Variants in PLCB1 observed in about 807,000 individuals in gnomAD.
PLCB1 encodes the protein 1-phosphatidylinositol 4,5-bisphosphate phosphodiesterase beta-1.
In PLCB1, 46 loss-of-function variants were observed where a neutral mutation model predicts 161.8. That is an observed-to-expected ratio of 0.28 (90% CI 0.22 to 0.36). PLCB1 has a LOEUF of 0.36. Among genes scored for constraint, PLCB1 ranks in the 10% least tolerant of loss-of-function variants. The probability of loss-of-function intolerance (pLI) is 1.00; values close to 1 mark genes in which losing one functional copy is unlikely to be tolerated. For missense variants in PLCB1, 1,016 were observed against 1,472.5 expected (o/e 0.69, Z 5.07); for synonymous variants, 517 against 503.7 (o/e 1.03, Z -0.35).
intron 31 of PLCB1, among the ~76,000 whole-genome samples, chr20:8,876,549 A>G (rs1440877137): frequency 6.6e-6 from 1 of 152,168 alleles, no homozygotes; most frequent in Non-Finnish European, 1.5e-5. Context: ...CCCTCACTCA[A>G]AGTTATAGCC....
At chr20:8,206,783 G>GA (rs941340372) in intron 2 of PLCB1, among the ~76,000 whole-genome samples, 14 of 143,592 alleles carry the variant, frequency 9.7e-5, no homozygotes, top group East Asian at 2.0e-4. Context: ...AAAGTCAGCA[G>GA]AAAAAAAAAA....
chr20:8,280,655 T>C (rs146829444), intron 2 of PLCB1, among the ~76,000 whole-genome samples: 46 of 152,342 alleles, frequency 3.0e-4, no homozygotes, highest in African/African-American at 9.9e-4. Flanking sequence ...TGAATTTGAT[T>C]TGTCTTCAGA....
chr20:8,367,791 G>A (rs188677345), intron 2 of PLCB1, among the ~76,000 whole-genome samples: 1 of 152,170 alleles, frequency 6.6e-6, no homozygotes, highest in Admixed American at 6.5e-5. Flanking sequence ...AAGTTTTAAT[G>A]ATACAAGAAA....
intron 7 of PLCB1, chr20:8,651,568 A>G (rs1600227022): frequency 1.4e-6 from 1 of 711,620 alleles, no homozygotes; most frequent in East Asian, 2.7e-5. Context: ...AAATATAACA[A>G]TTAAGGTCCT....
At chr20:8,482,288 G>A (rs146767792) in intron 3 of PLCB1, among the ~76,000 whole-genome samples, 1 of 151,804 alleles carries the variant, frequency 6.6e-6, no homozygotes, top group Non-Finnish European at 1.5e-5. Flanking sequence ...ATTTTTAGTA[G>A]AGACGGGGTT....
intron 3 of PLCB1, among the ~76,000 whole-genome samples, chr20:8,513,804 G>A (rs1164459626): frequency 6.6e-6 from 1 of 152,106 alleles, no homozygotes; most frequent in African/African-American, 2.4e-5. Flanking sequence ...GAGCTCAGGA[G>A]TTCAAGACCA....
At chr20:8,675,140 G>A (rs1395338955) in intron 9 of PLCB1, among the ~76,000 whole-genome samples, 1 of 152,040 alleles carries the variant, frequency 6.6e-6, no homozygotes, top group Non-Finnish European at 1.5e-5. Context: ...ACGGGAGTTG[G>A]ACAAGTCACC....
intron 4 of PLCB1, 194 bp downstream of exon 4, chr20:8,628,625 G>T: frequency 5.1e-6 from 3 of 587,642 alleles, no homozygotes; most frequent in East Asian, 3.0e-5. Context: ...GAATTATGGA[G>T]ATTTTTTTCA....
At chr20:8,833,951 TG>T (rs1260467410) in intron 31 of PLCB1, among the ~76,000 whole-genome samples, 1 of 152,076 alleles carries the variant, frequency 6.6e-6, no homozygotes, top group Non-Finnish European at 1.5e-5. Flanking sequence ...CCACATTTCT[TG>T]TGGGTTGTAT....
chr20:8,447,898 G>A (rs925903862), intron 3 of PLCB1, among the ~76,000 whole-genome samples: 1 of 152,208 alleles, frequency 6.6e-6, no homozygotes, highest in Non-Finnish European at 1.5e-5. Flanking sequence ...CTCTATGTGT[G>A]TGTTGGACAG....
chr20:8,189,137 T>G (rs2051938198), intron 2 of PLCB1, among the ~76,000 whole-genome samples: 1 of 151,782 alleles, frequency 6.6e-6, no homozygotes, highest in Non-Finnish European at 1.5e-5. Context: ...GCAATCTTTT[T>G]TTTCTGTGTC....
At chr20:8,266,024 G>A (rs1981937056) in intron 2 of PLCB1, among the ~76,000 whole-genome samples, 3 of 152,150 alleles carry the variant, frequency 2.0e-5, no homozygotes, top group Admixed American at 2.0e-4. Flanking sequence ...TTAGTCAAAT[G>A]CTAAGTTAAC....
chr20:8,390,188 A>C (rs1426371501), intron 3 of PLCB1, among the ~76,000 whole-genome samples: 7 of 152,138 alleles, frequency 4.6e-5, no homozygotes. Context: ...TTCTCTCACA[A>C]TTCTGGGAGC....
chr20:8,411,003 G>T (rs1775190), intron 3 of PLCB1, among the ~76,000 whole-genome samples: 74,885 of 152,022 alleles, frequency 0.49, 19,147 homozygotes, highest in African/African-American at 0.63. Context: ...CACTTTAATT[G>T]TGGACTTTTG....
chr20:8,345,026 C>A (rs1985951146), intron 2 of PLCB1, among the ~76,000 whole-genome samples: 1 of 152,132 alleles, frequency 6.6e-6, no homozygotes, highest in Non-Finnish European at 1.5e-5. Flanking sequence ...AACCAACTGG[C>A]AATTATGTTT....
intron 26 of PLCB1, among the ~76,000 whole-genome samples, chr20:8,766,470 A>T (rs983447207): frequency 6.6e-6 from 1 of 152,190 alleles, no homozygotes; most frequent in Non-Finnish European, 1.5e-5. Flanking sequence ...GCAGGAAAAA[A>T]ATGTGCTTGT....
At chr20:8,660,546 A>G (rs1321435539) in intron 9 of PLCB1, among the ~76,000 whole-genome samples, 1 of 152,112 alleles carries the variant, frequency 6.6e-6, no homozygotes, top group Non-Finnish European at 1.5e-5. Context: ...TTCAGCTGGT[A>G]TCCAATGCCT....
chr20:8,573,468 A>T (rs944612025), intron 3 of PLCB1, among the ~76,000 whole-genome samples: 1 of 152,218 alleles, frequency 6.6e-6, no homozygotes, highest in Non-Finnish European at 1.5e-5. Flanking sequence ...GCTGCATACT[A>T]TTCCATTCTC....
intron 2 of PLCB1, among the ~76,000 whole-genome samples, chr20:8,153,373 G>A (rs1416750933): frequency 6.6e-6 from 1 of 152,086 alleles, no homozygotes; most frequent in East Asian, 1.9e-4. Flanking sequence ...TTTTTCTTGT[G>A]TAAGTGTAGG....
Sources: gnomAD v4.1 joint callset for allele counts (sites outside exome capture counted in the v4.1 genomes callset) on GRCh38, gnomAD v4.1.1 for gene constraint, MANE v1.5 for transcripts, NCBI Gene and HGNC (gene_info 2026-07-23, HGNC 2026-07-21) for gene names.